The following SPTLC2 variants were observed in gnomAD, a reference collection of about 807,000 sequenced individuals.
SPTLC2 encodes serine palmitoyltransferase 2.
In SPTLC2, 21 loss-of-function variants were observed where a neutral mutation model predicts 62.0. That is an observed-to-expected ratio of 0.34 (90% CI 0.24 to 0.49). The LOEUF is 0.49. Among genes scored for constraint, SPTLC2 ranks in the 20% least tolerant of loss-of-function variants. The pLI, the probability that SPTLC2 is intolerant of heterozygous loss-of-function variation, is 0.99. For synonymous variants in SPTLC2, 261 were observed against 261.8 expected, an observed-to-expected ratio of 1.00 and a Z score of 0.03; for missense variants, 511 against 713.0, an observed-to-expected ratio of 0.72 and a Z score of 3.23.
intron 2 of SPTLC2, among the ~76,000 whole-genome samples, chr14:77,592,464 T>C (rs531924368): frequency 6.6e-6 from 1 of 152,162 alleles, no homozygotes; most frequent in Admixed American, 6.6e-5. Flanking sequence ...AGGCCAAGAA[T>C]AAAATCCCTC....
chr14:77,584,549 C>T (rs962525931), intron 2 of SPTLC2, among the ~76,000 whole-genome samples: 1 of 152,156 alleles, frequency 6.6e-6, no homozygotes, highest in Admixed American at 6.5e-5. Flanking sequence ...GGCTAAATGG[C>T]TTTCCCACTT....
chr14:77,520,214 A>C (rs967112154), intron 10 of SPTLC2, among the ~76,000 whole-genome samples: 1 of 152,204 alleles, frequency 6.6e-6, no homozygotes, highest in African/African-American at 2.4e-5. Context: ...AATTCCACTT[A>C]AAGAAGAATG....
In SPTLC2 at chr14:77,529,620, C is replaced by CTTTCTTTTTTTTTTTTTTT. The variant is rs1555373703; in HGVS notation, c.1304-8040_1304-8039insAAAAAAAAAAAAAAAGAAA. 8.2e-4 allele frequency among the ~76,000 whole-genome samples: 62 copies of CTTTCTTTTTTTTTTTTTTT among 76,058 alleles called. 4 individuals carry two copies. The highest frequency in any genetic ancestry group is 1.2e-3 in the Non-Finnish European group (45 of 36,818). 49.9% of individuals were successfully genotyped at this position (76,058 alleles called of 152,430 possible). On this transcript the variant is annotated intron_variant, in intron 9 of 11. Transcript: ENST00000216484. ...TTCTAGGAAAGCAATTTCTTTCTTTCTTTTTTTTTTTTTTTTTTTTTTGAG... is the reference window on the plus strand; with the variant it reads ...TTCTAGGAAAGCAATTTCTTTCTTTCTTTCTTTTTTTTTTTTTTTTTTTTTTTTTTTTTTTTTTTTTGAG...
rs1326305816 is a variant in SPTLC2 at position 77,561,674 on chromosome 14, TG to T, written c.850+721del. Among the ~76,000 whole-genome samples, 5 of 151,440 alleles carry T rather than the reference TG, an allele frequency of 3.3e-5. No homozygotes were observed. In the East Asian group the frequency reaches 9.7e-4, roughly 29 times the overall value. ...TATTTAATAAGATCTCATTTCTCAC[TG>T]TAAAACATTTTAGACAAGACAAAAA... On this transcript the variant is annotated intron_variant, in intron 6 of 11. Transcript: ENST00000216484.
chr14:77,590,702 A>G (rs893536222), intron 2 of SPTLC2, among the ~76,000 whole-genome samples: 4 of 152,214 alleles, frequency 2.6e-5, no homozygotes, highest in Non-Finnish European at 4.4e-5. Context: ...ACAGAGCAAG[A>G]CACTGTCTCA....
At chr14:77,561,317 T>C (rs2079613642) in intron 6 of SPTLC2, among the ~76,000 whole-genome samples, 1 of 151,982 alleles carries the variant, frequency 6.6e-6, no homozygotes, top group Non-Finnish European at 1.5e-5. Flanking sequence ...TCACCGTGTA[T>C]TGTAAAAAGA....
At chr14:77,555,659 A>C (rs2079579494) in intron 7 of SPTLC2, 140 bp from the exon 8 acceptor site, 2 of 855,738 alleles carry the variant, frequency 2.3e-6, no homozygotes, top group Non-Finnish European at 3.7e-6. Context: ...TCCATTGTCC[A>C]GGCTGAAGTG....
intron 9 of SPTLC2, among the ~76,000 whole-genome samples, chr14:77,540,763 C>T (rs954052399): frequency 3.9e-5 from 6 of 152,244 alleles, no homozygotes; most frequent in South Asian, 2.1e-4. Flanking sequence ...CGTGAGCCAC[C>T]GCACCCAGCA....
At position 77,598,443 on chromosome 14, in the gene SPTLC2, T is replaced by C. The variant is rs556512148; in HGVS notation, c.133-1063A>G. On this transcript the variant is annotated intron_variant, in intron 1 of 11. Transcript: ENST00000216484. The stretch of plus-strand genomic sequence containing the variant: ...GCCTACAGATGAAGAGATCAAAAGT[T>C]CAAAAGTAAATTCAGCTTTATTAGA... 3.3e-5 allele frequency among the ~76,000 whole-genome samples: 5 copies of C among 152,290 alleles called. No homozygotes were observed. In the East Asian group the frequency reaches 9.6e-4, roughly 29 times the overall value.
rs765457530 is a variant in SPTLC2, at chr14:77,555,375, G to C, written c.1101C>G (p.Pro367=). 3.1e-6 allele frequency: 5 copies of C among 1,613,902 alleles called. No individual in the cohort carries two copies. The highest frequency in any genetic ancestry group is 4.2e-6 in the Non-Finnish European group (5 of 1,179,996). Residue 367 remains proline (P), a synonymous_variant, in exon 8 of 12, where the codon CCC becomes CCG. Transcript: ENST00000216484. ...RGVVEYFGLD[P]EDVDVMMGTF... ...TTCCCATCATAACATCCACATCCTC[G>C]GGATCCAGGCCAAAGTACTCCACCA...
At chr14:77,606,858 G>T (rs113331631) in intron 1 of SPTLC2, among the ~76,000 whole-genome samples, 1 of 152,064 alleles carries the variant, frequency 6.6e-6, no homozygotes, top group African/African-American at 2.4e-5. Flanking sequence ...ATGTGGTGGT[G>T]CATGAATGTA....
rs2079336236 is a variant in SPTLC2, at chr14:77,512,284, TCA to T, written c.1687_1688del (p.Ter563SerfsTer21). ...DETTYEETED[*>X] ...TCCTCTGAGGGAGCACCAAAAAGGC[TCA>T]GTCTTCTGTTTCTTCATACGTCGTC... On this transcript the variant is annotated frameshift_variant and stop_lost, in exon 12 of 12. Transcript: ENST00000216484. LOFTEE classifies it high-confidence loss of function. 2 of 1,613,816 alleles carry T rather than the reference TCA, an allele frequency of 1.2e-6. No individual in the cohort carries two copies. Among genetic ancestry groups the T allele is most frequent in the African/African-American group, 2.7e-5 (2 of 74,888 alleles).
chr14:77,532,575 G>A (rs2079446019), intron 9 of SPTLC2, among the ~76,000 whole-genome samples: 1 of 151,678 alleles, frequency 6.6e-6, no homozygotes, highest in South Asian at 2.1e-4. Context: ...ACGAGGTCAG[G>A]AGATGGAGAC....
chr14:77,564,299 G>T (rs879110040), intron 5 of SPTLC2, among the ~76,000 whole-genome samples: 1 of 81,026 alleles, frequency 1.2e-5, no homozygotes, highest in Admixed American at 1.3e-4. Context: ...GGAGGAAGAG[G>T]AGGAGAAGGA....
At position 77,568,516 on chromosome 14, in the gene SPTLC2, A is replaced by G. The variant is rs188591286; in HGVS notation, c.756+1868T>C. 7.2e-5 allele frequency among the ~76,000 whole-genome samples: 11 copies of G among 152,210 alleles called. No homozygotes were observed. In the East Asian group the frequency reaches 2.1e-3, roughly 29 times the overall value. ...GTTTCATTCTTCTGTTAATTAAGAG[A>G]GAGGGGTTAGGGCAGGGCACAGTGG... On this transcript the variant is annotated intron_variant, in intron 5 of 11. Transcript: ENST00000216484.
intron 9 of SPTLC2, among the ~76,000 whole-genome samples, chr14:77,546,850 C>A (rs956065207): frequency 3.9e-5 from 6 of 152,194 alleles, no homozygotes; most frequent in African/African-American, 1.4e-4. Flanking sequence ...CTGCCTCAGC[C>A]TCCCAAGTAG....
intron 11 of SPTLC2, among the ~76,000 whole-genome samples, chr14:77,516,815 G>A (rs79969509): frequency 4.1e-4 from 63 of 152,188 alleles, no homozygotes; most frequent in African/African-American, 1.5e-3. Context: ...TTTTAAAAGG[G>A]AATACACTTA....
intron 1 of SPTLC2, among the ~76,000 whole-genome samples, chr14:77,614,041 C>A (rs747337218): frequency 6.6e-6 from 1 of 152,062 alleles, no homozygotes. Context: ...ATACTGCAGC[C>A]CTCACAGCAT....
rs150189252 is a variant in SPTLC2, at chr14:77,607,824, T to C, written c.132+8624A>G. Reference sequence around the variant, plus strand: ...GTCCTGGAAATAACCTGCTTGCCTATGTAAAAGTCAAGCTTATACAGGAGG... The same window carrying C: ...GTCCTGGAAATAACCTGCTTGCCTACGTAAAAGTCAAGCTTATACAGGAGG... On this transcript the variant is annotated intron_variant, in intron 1 of 11. Coordinates refer to ENST00000216484, the MANE Select transcript of SPTLC2 (RefSeq NM_004863.4). Among the ~76,000 whole-genome samples the C allele has an allele frequency of 2.0e-3, 301 of 152,330 alleles. 2 individuals are homozygous for C. Among genetic ancestry groups the C allele is most frequent in the African/African-American group, 6.9e-3 (285 of 41,584 alleles).
Sources: allele counts gnomAD v4.1 joint callset (sites outside exome capture counted in the v4.1 genomes callset), GRCh38; gene constraint gnomAD v4.1.1; transcripts MANE v1.5; gene names NCBI Gene and HGNC (gene_info 2026-07-23, HGNC 2026-07-21).